The following HEMK2 variants were observed in gnomAD, a reference collection of about 807,000 sequenced individuals.
HEMK2 encodes the protein HemK methyltransferase 2, ETF1 glutamine and histone H4 lysine.
At chr21:28,607,818 G>A in the HEMK2 span, among the ~76,000 whole-genome samples, 47 of 152,108 alleles carry the variant, frequency 3.1e-4, no homozygotes, top group Non-Finnish European at 4.7e-4. Flanking sequence ...TAAGATTATG[G>A]ATACGAAAAG....
the HEMK2 span, among the ~76,000 whole-genome samples, chr21:28,737,256 C>G: frequency 6.6e-6 from 1 of 152,166 alleles, no homozygotes; most frequent in Admixed American, 6.5e-5. Flanking sequence ...CCCCAAGTAG[C>G]TGGGACTACA....
the HEMK2 span, among the ~76,000 whole-genome samples, chr21:28,637,720 T>C: frequency 6.6e-6 from 1 of 152,224 alleles, no homozygotes. Flanking sequence ...GAAGCCAAGC[T>C]AGCTGAATTC....
chr21:28,652,489 C>A, the HEMK2 span, among the ~76,000 whole-genome samples: 1 of 150,876 alleles, frequency 6.6e-6, no homozygotes, highest in Non-Finnish European at 1.5e-5. Context: ...TCTTTCTTTC[C>A]TGCTGGACAT....
At chr21:28,660,218 A>G in the HEMK2 span, among the ~76,000 whole-genome samples, 1 of 151,800 alleles carries the variant, frequency 6.6e-6, no homozygotes, top group East Asian at 1.9e-4. Flanking sequence ...GGATTTTTCT[A>G]CCTAAAACTT....
chr21:28,660,654 T>C, the HEMK2 span, among the ~76,000 whole-genome samples: 1 of 151,984 alleles, frequency 6.6e-6, no homozygotes, highest in Non-Finnish European at 1.5e-5. Flanking sequence ...TGGTTAGTGA[T>C]TATTTTGTTT....
At chr21:28,784,328 C>T in the HEMK2 span, among the ~76,000 whole-genome samples, 1 of 152,070 alleles carries the variant, frequency 6.6e-6, no homozygotes, top group African/African-American at 2.4e-5. Context: ...CCAATCAGCA[C>T]CCTGTGTCCA....
the HEMK2 span, among the ~76,000 whole-genome samples, chr21:28,804,489 C>T: frequency 6.6e-6 from 1 of 152,162 alleles, no homozygotes. Flanking sequence ...AATCTCAGCA[C>T]TTTGGGAGGC....
At chr21:28,635,480 A>G in the HEMK2 span, among the ~76,000 whole-genome samples, 1 of 152,196 alleles carries the variant, frequency 6.6e-6, no homozygotes, top group African/African-American at 2.4e-5. Context: ...GATTAAGTGT[A>G]CAATTAATGT....
At chr21:28,612,688 C>A in the HEMK2 span, among the ~76,000 whole-genome samples, 1 of 152,124 alleles carries the variant, frequency 6.6e-6, no homozygotes, top group Non-Finnish European at 1.5e-5. Context: ...ACCCCTAAAA[C>A]CCCTCCAGAA....
the HEMK2 span, among the ~76,000 whole-genome samples, chr21:28,728,773 G>A: frequency 6.6e-6 from 1 of 152,176 alleles, no homozygotes; most frequent in African/African-American, 2.4e-5. Context: ...CTGTTTTTCT[G>A]ATTTAAATAC....
the HEMK2 span, among the ~76,000 whole-genome samples, chr21:28,667,347 G>T: frequency 6.6e-6 from 1 of 152,074 alleles, no homozygotes; most frequent in Non-Finnish European, 1.5e-5. Context: ...GCCATAATTT[G>T]TGTTTCTTTG....
the HEMK2 span, among the ~76,000 whole-genome samples, chr21:28,627,942 C>G: frequency 6.6e-6 from 1 of 152,186 alleles, no homozygotes; most frequent in Non-Finnish European, 1.5e-5. Context: ...TGCATGGGGA[C>G]TACACCAAGT....
chr21:28,878,427 A>G, the HEMK2 span: 5 of 1,468,374 alleles, frequency 3.4e-6, no homozygotes, highest in Non-Finnish European at 4.7e-6. Flanking sequence ...CCAAAAAAGT[A>G]TATATTTTGC....
the HEMK2 span, among the ~76,000 whole-genome samples, chr21:28,728,660 T>C: frequency 0.016 from 2,500 of 152,302 alleles, 71 homozygotes; most frequent in African/African-American, 0.056. Context: ...TTGGTGAGCC[T>C]AATGATTTTT....
At chr21:28,821,505 G>A in the HEMK2 span, among the ~76,000 whole-genome samples, 1 of 152,212 alleles carries the variant, frequency 6.6e-6, no homozygotes, top group East Asian at 1.9e-4. Context: ...GAATTTGGAA[G>A]GAGGAATAAC....
At chr21:28,744,094 G>A in the HEMK2 span, among the ~76,000 whole-genome samples, 2 of 151,746 alleles carry the variant, frequency 1.3e-5, no homozygotes, top group Non-Finnish European at 2.9e-5. Context: ...TGAGGGTGGG[G>A]GCTGGGAAGA....
the HEMK2 span, among the ~76,000 whole-genome samples, chr21:28,710,077 T>C: frequency 7.1e-3 from 1,081 of 152,352 alleles, 15 homozygotes; most frequent in African/African-American, 0.025. Context: ...TTCCTACTTA[T>C]GATTTCTGTT....
chr21:28,661,767 G>A, the HEMK2 span, among the ~76,000 whole-genome samples: 2 of 152,136 alleles, frequency 1.3e-5, no homozygotes, highest in Admixed American at 6.6e-5. Flanking sequence ...ACAGTAGCCA[G>A]TAGCCACGTG....
At chr21:28,581,023 C>A in the HEMK2 span, among the ~76,000 whole-genome samples, 1 of 152,048 alleles carries the variant, frequency 6.6e-6, no homozygotes, top group South Asian at 2.1e-4. Context: ...CTGGTACCCA[C>A]GAATCTTATT....
Sources: gnomAD v4.1 joint callset for allele counts (sites outside exome capture counted in the v4.1 genomes callset) on GRCh38, gnomAD v4.1.1 for gene constraint, MANE v1.5 for transcripts, NCBI Gene and HGNC (gene_info 2026-07-23, HGNC 2026-07-21) for gene names.